NOS1: variants seen among roughly 807,000 people sequenced by gnomAD.
NOS1 encodes NOS type I.
In NOS1, 51 loss-of-function variants were observed where a neutral mutation model predicts 164.5. The observed-to-expected ratio is 0.31, with a 90% CI of 0.25 to 0.39. The LOEUF (loss-of-function observed/expected upper bound fraction) is 0.39. Ranked by LOEUF, NOS1 falls within the 10% of genes least tolerant of loss-of-function variation. The pLI is 1.00. For synonymous variants in NOS1, 719 were observed against 745.8 expected (o/e 0.96, Z 0.59); for missense variants, 1,362 against 1,885.6 (o/e 0.72, Z 5.14).
chr12:117,258,989 G>A (rs1330432848), intron 15 of NOS1, 37 bp downstream of exon 15: 3 of 1,485,370 alleles, frequency 2.0e-6, no homozygotes, highest in East Asian at 2.3e-5. Context: ...TCCTGATGAT[G>A]GAACCACACT....
chr12:117,238,714 A>G lies in NOS1; in HGVS notation c.3041+3913T>C, dbSNP rs1405904100. Among the ~76,000 whole-genome samples, 17 of 151,986 alleles carry G rather than the reference A, an allele frequency of 1.1e-4. No homozygotes were observed. In the South Asian group the frequency reaches 2.9e-3, roughly 26 times the overall value. On this transcript the variant is annotated intron_variant, in intron 20 of 28. Coordinates refer to ENST00000317775, the MANE Select transcript of NOS1 (RefSeq NM_000620.5). ...GTATTTTTAGTAGAGACAGGGTTTC[A>G]CCATGCTGGCCAGACTGGTCTCAAA...
Position 117,208,633 on chromosome 12 carries a change from A to G in NOS1, c.*6676T>C, listed in dbSNP as rs1394251730. On this transcript the variant is annotated 3_prime_UTR_variant, in exon 29 of 29. Transcript: ENST00000317775. ...GGAGGGGACTGAGACCCAGCTCAAG[A>G]GCACTGGATCTCAGTGAGTCTTAAT... 3 of 1,162,044 alleles carry G rather than the reference A, an allele frequency of 2.6e-6. No homozygotes were observed. Among genetic ancestry groups the G allele is most frequent in the Admixed American group, 7.7e-5 (2 of 25,950 alleles). The allele number at this position is 1,162,044 out of a possible 1,614,324, so 72.0% of individuals were successfully genotyped here.
chr12:117,304,171 CA>C (rs35578100), intron 3 of NOS1, among the ~76,000 whole-genome samples: 6 of 146,872 alleles, frequency 4.1e-5, no homozygotes, highest in African/African-American at 5.0e-5. Context: ...GACTCCATCT[CA>C]AAAAAAAAAC....
chr12:117,247,562 T>C, intron 17 of NOS1, 40 bp from the exon 18 acceptor site: 2 of 1,552,622 alleles, frequency 1.3e-6, no homozygotes, highest in South Asian at 1.2e-5. Context: ...TAAGGGACTG[T>C]GGGGAATGTG....
intron 2 of NOS1, among the ~76,000 whole-genome samples, chr12:117,326,896 T>C (rs1359399002): frequency 6.6e-6 from 1 of 152,138 alleles, no homozygotes; most frequent in Non-Finnish European, 1.5e-5. Context: ...CCAATCCTCG[T>C]GTCCCAGACT....
chr12:117,262,411 A>AGG (rs1871981966), intron 13 of NOS1, among the ~76,000 whole-genome samples: 1 of 126,446 alleles, frequency 7.9e-6, no homozygotes, highest in African/African-American at 3.1e-5. Flanking sequence ...GGAAGGAGAG[A>AGG]GAGGGAGGGA....
At chr12:117,344,952 CAG>C (rs1264065585) in intron 1 of NOS1, among the ~76,000 whole-genome samples, 19 of 151,852 alleles carry the variant, frequency 1.3e-4, no homozygotes, top group South Asian at 1.2e-3. Flanking sequence ...TTCTTAGAAA[CAG>C]AGTCAGAACG....
intron 22 of NOS1, 42 bp from the exon 23 acceptor site, chr12:117,227,683 G>T: frequency 6.3e-7 from 1 of 1,595,642 alleles, no homozygotes; most frequent in Non-Finnish European, 8.6e-7. Flanking sequence ...GAACCCAGCT[G>T]CCACATACTT....
At chr12:117,293,575 C>G (rs532044399) in intron 3 of NOS1, among the ~76,000 whole-genome samples, 130 of 152,174 alleles carry the variant, frequency 8.5e-4, no homozygotes, top group African/African-American at 2.8e-3. Flanking sequence ...TATGTGACTA[C>G]TAGCCCAATT....
In NOS1 at chr12:117,213,489, G is replaced by T. The variant is rs1956557966; in HGVS notation, c.*1820C>A. ...GTCAAGCTCCATGTGGCAGGAACAGGACACCGGTGGGGGCTGCCAGGGATG... is the reference window on the plus strand; with the variant it reads ...GTCAAGCTCCATGTGGCAGGAACAGTACACCGGTGGGGGCTGCCAGGGATG... On this transcript the variant is annotated 3_prime_UTR_variant, in exon 29 of 29. Transcript: ENST00000317775. 1.0e-5 allele frequency: 10 copies of T among 985,370 alleles called. No individual in the cohort carries two copies. Among genetic ancestry groups the T allele is most frequent in the Non-Finnish European group, 1.2e-5 (10 of 829,998 alleles). The allele number at this position is 985,370 out of a possible 1,614,324, so 61.0% of individuals were successfully genotyped here.
chr12:117,236,866 GCCGTGC>G (rs796909511), intron 20 of NOS1, among the ~76,000 whole-genome samples: 3 of 152,342 alleles, frequency 2.0e-5, no homozygotes, highest in African/African-American at 7.2e-5. Context: ...GCAGAGGGTG[GCCGTGC>G]AGACAAGGAG....
At chr12:117,224,325 A>G (rs1555248119) in intron 25 of NOS1, among the ~76,000 whole-genome samples, 1 of 151,680 alleles carries the variant, frequency 6.6e-6, no homozygotes, top group Non-Finnish European at 1.5e-5. Flanking sequence ...TCACTCTGTC[A>G]CCCAGGCTGG....
intron 11 of NOS1, among the ~76,000 whole-genome samples, chr12:117,266,202 C>T (rs1228515201): frequency 6.6e-6 from 1 of 151,976 alleles, no homozygotes; most frequent in Non-Finnish European, 1.5e-5. Flanking sequence ...TTTTGGTGCA[C>T]CCATCGCCCG....
At chr12:117,221,771 A>C (rs1313266679) in intron 26 of NOS1, among the ~76,000 whole-genome samples, 1 of 150,572 alleles carries the variant, frequency 6.6e-6, no homozygotes, top group East Asian at 2.0e-4. Context: ...TCAGCCTCCC[A>C]AGGAGCTGGG....
intron 2 of NOS1, among the ~76,000 whole-genome samples, chr12:117,325,464 T>C (rs866921900): frequency 6.6e-6 from 1 of 151,994 alleles, no homozygotes; most frequent in African/African-American, 2.4e-5. Context: ...GGCATTGTAG[T>C]AGTAGGGAGG....
At chr12:117,241,372 TG>T (rs1161166411) in intron 20 of NOS1, among the ~76,000 whole-genome samples, 1 of 151,834 alleles carries the variant, frequency 6.6e-6, no homozygotes, top group African/African-American at 2.4e-5. Flanking sequence ...GCAATATGCT[TG>T]GTTCACCGGG....
Position 117,258,275 on chromosome 12 carries a change from T to C in NOS1, c.2531+122A>G, listed in dbSNP as rs769765459. On this transcript the variant is annotated intron_variant, in intron 16 of 28. Coordinates refer to ENST00000317775, the MANE Select transcript of NOS1 (RefSeq NM_000620.5). ...GCAGACACCTCACAACTAAGACCCA[T>C]TACAAATGGACTTCAGATTACAGCC... is the stretch of plus-strand genomic sequence containing the variant. 12 of 977,302 alleles carry C rather than the reference T, an allele frequency of 1.2e-5. No individual in the cohort carries two copies. The African/African-American group carries it at 1.8e-4, about 14-fold the overall frequency. The allele number at this position is 977,302 out of a possible 1,614,324, so 60.5% of individuals were successfully genotyped here. A position where few individuals can be genotyped will look rare whatever the true frequency, so the allele number is the denominator to read the frequency against.
At chr12:117,248,150 T>A (rs138430252) in intron 17 of NOS1, among the ~76,000 whole-genome samples, 1 of 151,734 alleles carries the variant, frequency 6.6e-6, no homozygotes, top group East Asian at 1.9e-4. Flanking sequence ...CTTGGACTTG[T>A]GGCTTCCAGT....
chr12:117,333,272 G>C (rs1007133170), intron 1 of NOS1, among the ~76,000 whole-genome samples: 6 of 152,186 alleles, frequency 3.9e-5, no homozygotes. Flanking sequence ...CTCTTTCCCT[G>C]CTCCCCACTC....
Sources: allele counts gnomAD v4.1 joint callset (sites outside exome capture counted in the v4.1 genomes callset), GRCh38; gene constraint gnomAD v4.1.1; transcripts MANE v1.5; gene names NCBI Gene and HGNC (gene_info 2026-07-23, HGNC 2026-07-21).